The following GMCL1 variants were observed in gnomAD, a reference collection of about 807,000 sequenced individuals.
The protein encoded by GMCL1 is germ cell-less 1, spermatogenesis associated, also known as germ cell-less protein-like 1.
In GMCL1, 54 loss-of-function variants were observed where a neutral mutation model predicts 75.5. That is an observed-to-expected ratio of 0.71 (90% CI 0.57 to 0.90). The LOEUF is 0.90. GMCL1 is among the 40% of genes least tolerant of loss of function. GMCL1 has a pLI of 0.00. For missense variants in GMCL1, 537 were observed against 622.7 expected (o/e 0.86, Z 1.47); for synonymous variants, 210 against 209.6 (o/e 1.00, Z -0.02).
At chr2:69,839,107 G>A (rs566555098) in intron 2 of GMCL1, among the ~76,000 whole-genome samples, 15 of 149,864 alleles carry the variant, frequency 1.0e-4, no homozygotes, top group Non-Finnish European at 1.8e-4. Flanking sequence ...CTTGGGACTG[G>A]TTTGGTCCTT....
At chr2:69,837,148 A>G (rs72895257) in intron 1 of GMCL1, among the ~76,000 whole-genome samples, 12,370 of 152,188 alleles carry the variant, frequency 0.081, 1,723 homozygotes, top group African/African-American at 0.28. Flanking sequence ...CTTGCAGATT[A>G]TTGCGCTATT....
chr2:69,839,370 G>A, intron 2 of GMCL1, 87 bp from the exon 3 acceptor site: 1 of 739,414 alleles, frequency 1.4e-6, no homozygotes, highest in Non-Finnish European at 2.3e-6. Flanking sequence ...TTAATGGATA[G>A]AATAGTTGCT....
chr2:69,877,313 A>G (rs748802690), intron 13 of GMCL1, among the ~76,000 whole-genome samples: 1 of 152,196 alleles, frequency 6.6e-6, no homozygotes, highest in Non-Finnish European at 1.5e-5. Context: ...CATTCAGCCA[A>G]GTGATATCCA....
Position 69,850,545 on chromosome 2 carries a change from TCA to T in GMCL1, c.934+804_934+805del, listed in dbSNP as rs1324912831. 2.6e-5 allele frequency among the ~76,000 whole-genome samples: 4 copies of T among 152,314 alleles called. No individual in the cohort carries two copies. In the East Asian group the frequency reaches 7.7e-4, roughly 29 times the overall value. The stretch of plus-strand genomic sequence containing the variant: ...TTTGAGTACTAGAACATCAGTAACT[TCA>T]GTCTTAACTCATGTGCTTCTTTTCT... On this transcript the variant is annotated intron_variant, in intron 8 of 13. Transcript: ENST00000282570.
rs1189834289 is a variant in GMCL1 at position 69,840,980 on chromosome 2, G to A, written c.520G>A (p.Val174Ile). Residue 174 changes from valine to isoleucine, a missense_variant, in exon 4 of 14, where the codon GTC becomes ATC. Physicochemically the swap from Val to Ile is conservative, Grantham distance 29. Coordinates refer to ENST00000282570, the MANE Select transcript of GMCL1 (RefSeq NM_178439.5). ...VAFGSLYRDD[V>I]LIKPSRVVAI... The stretch of plus-strand genomic sequence containing the variant: ...ATTTGGTTCACTGTATCGAGATGAT[G>A]TCTTGATAAAGCCCAGTCGAGTTGT... 1 of 1,613,912 alleles carries A rather than the reference G, an allele frequency of 6.2e-7. No homozygotes were observed. The highest frequency in any genetic ancestry group is 8.5e-7 in the Non-Finnish European group (1 of 1,179,934).
chr2:69,874,743 CTT>C (rs35583745), intron 13 of GMCL1, among the ~76,000 whole-genome samples: 2 of 139,964 alleles, frequency 1.4e-5, no homozygotes, highest in Non-Finnish European at 1.6e-5. Flanking sequence ...ATAGTTTTTA[CTT>C]TTTTTTTTTT....
chr2:69,842,062 G>A (rs1425188955), intron 4 of GMCL1, among the ~76,000 whole-genome samples: 2 of 152,194 alleles, frequency 1.3e-5, no homozygotes, highest in African/African-American at 4.8e-5. Flanking sequence ...GAATACTTCA[G>A]TAACAATGTG....
At chr2:69,834,743 C>A (rs769481415) in intron 1 of GMCL1, among the ~76,000 whole-genome samples, 2 of 152,138 alleles carry the variant, frequency 1.3e-5, no homozygotes, top group Non-Finnish European at 2.9e-5. Flanking sequence ...TCTGGAGACT[C>A]ATATACTACC....
At chr2:69,852,862 A>C (rs1321289057) in intron 8 of GMCL1, among the ~76,000 whole-genome samples, 1 of 152,086 alleles carries the variant, frequency 6.6e-6, no homozygotes, top group Non-Finnish European at 1.5e-5. Flanking sequence ...ATTTCTTTTA[A>C]GTTTTCTTAA....
At position 69,880,493 on chromosome 2, in the gene GMCL1, T is replaced by G. The variant is rs1272231445; in HGVS notation, c.*1489T>G. On this transcript the variant is annotated 3_prime_UTR_variant, in exon 14 of 14. Coordinates refer to ENST00000282570, the MANE Select transcript of GMCL1 (RefSeq NM_178439.5). ...ATGCCTCACCCTTGACCCTCAGAGCTGGAATTTAAATGTTTCTAATACAGT... is the reference window on the plus strand; with the variant it reads ...ATGCCTCACCCTTGACCCTCAGAGCGGGAATTTAAATGTTTCTAATACAGT... 9.2e-5 allele frequency: 14 copies of G among 152,212 alleles called. No homozygotes were observed. The highest frequency in any genetic ancestry group is 9.2e-4 in the Admixed American group (14 of 15,274). The allele number at this position is 152,212 out of a possible 1,614,324, so 9.4% of individuals were successfully genotyped here. A position where few individuals can be genotyped will look rare whatever the true frequency, so the allele number is the denominator to read the frequency against.
chr2:69,860,894 G>GTGCATGATCT (rs1412847445), intron 9 of GMCL1, among the ~76,000 whole-genome samples: 1 of 152,196 alleles, frequency 6.6e-6, no homozygotes, highest in Non-Finnish European at 1.5e-5. Context: ...ACAGGCTGGA[G>GTGCATGATCT]TGCAGTGGCA....
In GMCL1 at chr2:69,843,232, G is replaced by A; in HGVS notation, c.663G>A (p.Gly221=). 1 of 1,602,930 alleles carries A rather than the reference G, an allele frequency of 6.2e-7. No homozygotes were observed. The highest frequency in any genetic ancestry group is 1.1e-5 in the South Asian group (1 of 90,628). The change falls in exon 5 of 14, where the codon GGG becomes GGA. Residue 221 remains glycine, a synonymous_variant. Coordinates refer to ENST00000282570, the MANE Select transcript of GMCL1 (RefSeq NM_178439.5). ...KTVCGYYTSA[G]TYGLDSVKKK... ...TATGTGGCTATTACACATCAGCAGG[G>A]ACCTATGGATTAGATTCTGTAAAGA...
rs1350094543 is a variant in GMCL1 at position 69,844,195 on chromosome 2, A to G, written c.757A>G (p.Ser253Gly). The G allele has an allele frequency of 3.2e-6, 5 of 1,539,800 alleles. No homozygotes were observed. The South Asian group carries it at 4.8e-5, about 15-fold the overall frequency. Reference protein sequence around the residue: ...HQNVELFKELSINVMKQLIGS... With the variant: ...HQNVELFKELGINVMKQLIGS... ...GAATGTTGAACTTTTTAAAGAACTC[A>G]GGTATTTGAATTTCAAGTAACTTCA... The change falls in exon 6 of 14, where the codon AGT (serine) becomes GGT (glycine). Residue 253 changes from serine to glycine, a missense_variant and splice_region_variant. By Grantham distance (56) the Ser-to-Gly change is moderately conservative. Transcript: ENST00000282570.
Position 69,856,656 on chromosome 2 carries a change from T to G in GMCL1, c.1072+1696T>G, listed in dbSNP as rs935880695. Among the ~76,000 whole-genome samples the G allele has an allele frequency of 2.3e-3, 341 of 146,900 alleles. 1 individual carries two copies. The highest frequency in any genetic ancestry group is 8.2e-3 in the African/African-American group (328 of 40,046). ...TCTTCCCTCCTTTTTTTTTTTTTTT[T>G]TTTTTTTTTTTTAACTTCCAGAATA... On this transcript the variant is annotated intron_variant, in intron 9 of 13. Coordinates refer to ENST00000282570, the MANE Select transcript of GMCL1 (RefSeq NM_178439.5).
intron 8 of GMCL1, 41 bp downstream of exon 8, chr2:69,849,783 A>G (rs1558542168): frequency 3.1e-6 from 4 of 1,280,462 alleles, no homozygotes; most frequent in Non-Finnish European, 4.4e-6. Flanking sequence ...TTAAAAGGAA[A>G]TTTGTTAAAA....
rs75737685 is a variant in GMCL1, at chr2:69,838,734, C to T, written c.385-723C>T. Among the ~76,000 whole-genome samples the T allele has an allele frequency of 8.8e-3, 1,347 of 152,244 alleles. 10 individuals are homozygous for T. The highest frequency in any genetic ancestry group is 0.015 in the Non-Finnish European group (1,006 of 67,994). ...GTTGTTTCTTTTTAATATCTGAAAG[C>T]AGTTTTGTGAACTTGAGGGTAAGAA... On this transcript the variant is annotated intron_variant, in intron 2 of 13. Transcript: ENST00000282570.
Position 69,879,013 on chromosome 2 carries a change from G to A in GMCL1, c.*9G>A, listed in dbSNP as rs191515790. 3.2e-4 allele frequency: 493 copies of A among 1,531,550 alleles called. 2 individuals carry two copies. The South Asian group carries it at 3.9e-3, about 12-fold the overall frequency. 94.9% of individuals were successfully genotyped at this position (1,531,550 alleles called of 1,614,324 possible). A position where few individuals can be genotyped will look rare whatever the true frequency, so the allele number is the denominator to read the frequency against. The stretch of plus-strand genomic sequence containing the variant: ...CAGAAAAAAAGAATTGAAAATAATC[G>A]TCACCCAGAAAATCCAGAAAACTGA... On this transcript the variant is annotated 3_prime_UTR_variant, in exon 14 of 14. Coordinates refer to ENST00000282570, the MANE Select transcript of GMCL1 (RefSeq NM_178439.5).
intron 13 of GMCL1, among the ~76,000 whole-genome samples, chr2:69,874,650 GTTTAA>G (rs2104064216): frequency 6.6e-6 from 1 of 150,636 alleles, no homozygotes; most frequent in Non-Finnish European, 1.5e-5. Flanking sequence ...TATTGTTCCT[GTTTAA>G]TTTTTTATTA....
In GMCL1 at chr2:69,860,790, G is replaced by C. The variant is rs141570640; in HGVS notation, c.1073-488G>C. Among the ~76,000 whole-genome samples the C allele has an allele frequency of 9.9e-5, 15 of 152,252 alleles. No individual in the cohort carries two copies. The East Asian group carries it at 2.9e-3, about 29-fold the overall frequency. ...CTTTAAAGATCATTCAGCCATTATAGTATTTTTGTAAAATATAAGCTACCT... is the reference window on the plus strand; with the variant it reads ...CTTTAAAGATCATTCAGCCATTATACTATTTTTGTAAAATATAAGCTACCT... On this transcript the variant is annotated intron_variant, in intron 9 of 13. Transcript: ENST00000282570.
Sources: allele counts gnomAD v4.1 joint callset (sites outside exome capture counted in the v4.1 genomes callset), GRCh38; gene constraint gnomAD v4.1.1; transcripts MANE v1.5; gene names NCBI Gene and HGNC (gene_info 2026-07-23, HGNC 2026-07-21).